Variants in GUSB observed in about 807,000 individuals in gnomAD.
GUSB encodes the protein glucuronidase beta, also known as beta-glucuronidase.
In GUSB, 51 loss-of-function variants were observed where a neutral mutation model predicts 74.6. The ratio of observed to expected loss-of-function variants is 0.68; its 90% CI spans 0.55 to 0.86. The LOEUF (loss-of-function observed/expected upper bound fraction) is 0.86. Among genes scored for constraint, GUSB ranks in the 40% least tolerant of loss-of-function variants. The probability of loss-of-function intolerance (pLI) is 0.00; values close to 1 mark genes in which losing one functional copy is unlikely to be tolerated. For missense variants in GUSB, 736 were observed against 853.7 expected, an observed-to-expected ratio of 0.86 and a Z score of 1.72; for synonymous variants, 360 against 348.3, an observed-to-expected ratio of 1.03 and a Z score of -0.37.
intron 4 of GUSB, among the ~76,000 whole-genome samples, chr7:65,977,119 C>T (rs1443765735): frequency 6.6e-6 from 1 of 152,130 alleles, no homozygotes; most frequent in African/African-American, 2.4e-5. Context: ...GGTGCTGTCT[C>T]ATCCTTACGA....
At chr7:65,980,198 C>A (rs1335814046) in intron 2 of GUSB, 26 bp downstream of exon 2, 9 of 1,418,874 alleles carry the variant, frequency 6.3e-6, no homozygotes, top group Middle Eastern at 2.4e-4. Flanking sequence ...CCCCCACCCG[C>A]CCTGCCTGCT....
At chr7:65,968,980 G>A (rs576362643) in intron 9 of GUSB, among the ~76,000 whole-genome samples, 13 of 152,334 alleles carry the variant, frequency 8.5e-5, no homozygotes, top group Admixed American at 3.9e-4. Flanking sequence ...GGTGACGACC[G>A]AGTAGGACCA....
At chr7:65,971,126 G>A (rs976608608) in intron 8 of GUSB, among the ~76,000 whole-genome samples, 7 of 152,250 alleles carry the variant, frequency 4.6e-5, no homozygotes, top group Non-Finnish European at 8.8e-5. Context: ...TGAGGTTGAC[G>A]CCCTGAAACA....
intron 11 of GUSB, among the ~76,000 whole-genome samples, chr7:65,962,317 C>T (rs1039096124): frequency 1.3e-5 from 2 of 152,198 alleles, no homozygotes; most frequent in Non-Finnish European, 2.9e-5. Flanking sequence ...TGGCAACGAC[C>T]TGTCAGGGCT....
chr7:65,975,383 A>C (rs781145), intron 5 of GUSB: 216,279 of 379,920 alleles, frequency 0.57, 61,467 homozygotes, highest in East Asian at 0.83. Flanking sequence ...CCATCTCTAT[A>C]AAAAAAAAAT....
intron 8 of GUSB, 65 bp downstream of exon 8, chr7:65,974,230 C>G (rs1370024155): frequency 6.5e-7 from 1 of 1,550,094 alleles, no homozygotes; most frequent in Non-Finnish European, 8.9e-7. Context: ...CACATGCCCA[C>G]CGAGGCCAGC....
chr7:65,968,242 A>C (rs923021650), intron 9 of GUSB, among the ~76,000 whole-genome samples: 1 of 151,850 alleles, frequency 6.6e-6, no homozygotes, highest in Non-Finnish European at 1.5e-5. Flanking sequence ...AAAAAAAAAA[A>C]AAAAAAAAAC....
At chr7:65,974,264 C>A (rs1791406817) in intron 8 of GUSB, 31 bp downstream of exon 8, 1 of 1,612,744 alleles carries the variant, frequency 6.2e-7, no homozygotes, top group Non-Finnish European at 8.5e-7. Flanking sequence ...CTCCTTCCCA[C>A]TCTAGCCGAG....
chr7:65,964,463 G>A lies in GUSB; in HGVS notation c.1654-5C>T, dbSNP rs894451370. The A allele has an allele frequency of 6.2e-7, 1 of 1,610,126 alleles. No homozygotes were observed. The highest frequency in any genetic ancestry group is 1.3e-5 in the African/African-American group (1 of 74,802). On this transcript the variant is annotated splice_polypyrimidine_tract_variant and splice_region_variant and intron_variant, in intron 10 of 11. Coordinates refer to ENST00000304895, the MANE Select transcript of GUSB (RefSeq NM_000181.4). ...AGTGAACATCAGAGGTGGATCCTAG[G>A]ATTCAAGGCAAAGAGAATGTAAGAG...
intron 10 of GUSB, 22 bp downstream of exon 10, chr7:65,967,709 C>G (rs1301155073): frequency 6.2e-7 from 1 of 1,605,176 alleles, no homozygotes. Context: ...AACACACAAG[C>G]AGAAAGCTCA....
At chr7:65,979,705 A>G (rs1791855103) in intron 3 of GUSB, 22 bp downstream of exon 3, 1 of 1,611,406 alleles carries the variant, frequency 6.2e-7, no homozygotes, top group East Asian at 2.2e-5. Flanking sequence ...GGTGTGTGCA[A>G]TGGAGGCAGG....
intron 9 of GUSB, among the ~76,000 whole-genome samples, chr7:65,968,365 G>T (rs1026113662): frequency 6.6e-6 from 1 of 152,152 alleles, no homozygotes; most frequent in African/African-American, 2.4e-5. Flanking sequence ...GCCCAGAGGA[G>T]GTAGGCCTGG....
In GUSB at chr7:65,974,660, G is replaced by C. The variant is rs374490058; in HGVS notation, c.1110C>G (p.Phe370Leu). 1.9e-6 allele frequency: 3 copies of C among 1,613,776 alleles called. No individual in the cohort carries two copies. The highest frequency in any genetic ancestry group is 1.7e-6 in the Non-Finnish European group (2 of 1,180,056). Residue 370 changes from phenylalanine (F) to leucine (L), a missense_variant, in exon 7 of 12, where the codon TTC becomes TTG. Physicochemically the swap from Phe to Leu is conservative, Grantham distance 22 (BLOSUM62 0). This residue lies in a region of GUSB where 368 missense variants were observed against 489.9 expected (regional missense o/e 0.75). Coordinates refer to ENST00000304895, the MANE Select transcript of GUSB (RefSeq NM_000181.4). ...GFDWPLLVKD[F>L]NLLRWLGANA... The stretch of plus-strand genomic sequence containing the variant: ...TGGCACCAAGCCAGCGAAGCAGGTT[G>C]AAGTCCTTCACCAGCAGCGGCCAGT...
At chr7:65,979,079 C>T (rs903057196) in intron 4 of GUSB, among the ~76,000 whole-genome samples, 10 of 152,210 alleles carry the variant, frequency 6.6e-5, no homozygotes, top group South Asian at 2.1e-4. Context: ...CCCCCCCCAC[C>T]GAAGCTGCCT....
In GUSB at chr7:65,982,084, G is replaced by C; in HGVS notation, c.100C>G (p.Pro34Ala). 6.2e-7 allele frequency: 1 copy of C among 1,606,394 alleles called. No homozygotes were observed. Among genetic ancestry groups the C allele is most frequent in the Non-Finnish European group, 8.5e-7 (1 of 1,177,482 alleles). ...QGGMLYPQESPSRECKELDGL... is the reference protein window; with the variant it reads ...QGGMLYPQESASRECKELDGL... Reference sequence around the variant, plus strand: ...TCCAGCTCCTTGCACTCCCGCGACGGGCTCTCCTGGGGGTACAGCATCCCG... The same window carrying C: ...TCCAGCTCCTTGCACTCCCGCGACGCGCTCTCCTGGGGGTACAGCATCCCG... Residue 34 changes from proline to alanine, a missense_variant, in exon 1 of 12, where the codon CCG becomes GCG. Physicochemically the swap from Pro to Ala is conservative, Grantham distance 27. This residue lies in a region of GUSB where 368 missense variants were observed against 363.8 expected (regional missense o/e 1.01). Coordinates refer to ENST00000304895, the MANE Select transcript of GUSB (RefSeq NM_000181.4).
intron 5 of GUSB, 161 bp downstream of exon 5, chr7:65,975,848 CAAAAAA>C (rs112120049): frequency 9.6e-5 from 42 of 437,054 alleles, no homozygotes; most frequent in East Asian, 5.4e-4. Context: ...GAGACCATCT[CAAAAAA>C]AAAAAAAAAA....
intron 11 of GUSB, 80 bp downstream of exon 11, chr7:65,964,243 A>G (rs1235653551): frequency 5.7e-6 from 7 of 1,232,354 alleles, no homozygotes; most frequent in Non-Finnish European, 7.2e-6. Context: ...TATTCTTACA[A>G]TTGAAATGGC....
rs779460964 is a variant in GUSB at position 65,976,079 on chromosome 7, G to A, written c.848C>T (p.Pro283Leu). ...GTGTQGQLKV[P>L]GVSLWWPYLM... is the part of the protein sequence containing the mutation. The stretch of plus-strand genomic sequence containing the variant: ...GTACGGCCACCAGAGGCTGACACCT[G>A]GCACCTTAAGTTGGCCCTGGGTCCC... The change falls in exon 5 of 12, where the codon CCA becomes CTA. Residue 283 changes from proline to leucine, a missense_variant. Physicochemically the swap from Pro to Leu is moderately conservative, Grantham distance 98. This residue lies in a region of GUSB where 368 missense variants were observed against 489.9 expected (regional missense o/e 0.75). Transcript: ENST00000304895. The A allele has an allele frequency of 4.3e-6, 7 of 1,613,804 alleles. No individual in the cohort carries two copies. Among genetic ancestry groups the A allele is most frequent in the Middle Eastern group, 1.6e-4 (1 of 6,084 alleles).
chr7:65,972,371 C>T (rs1436834905), intron 8 of GUSB, among the ~76,000 whole-genome samples: 2 of 152,160 alleles, frequency 1.3e-5, no homozygotes, highest in African/African-American at 4.8e-5. Context: ...TATCTGTTGG[C>T]CACGCCGGTC....
Sources: allele counts gnomAD v4.1 joint callset (sites outside exome capture counted in the v4.1 genomes callset), GRCh38; gene constraint gnomAD v4.1.1; regional missense constraint gnomAD v4.1.1; transcripts MANE v1.5; gene names NCBI Gene and HGNC (gene_info 2026-07-23, HGNC 2026-07-21).